Variants in GGA2 observed in about 807,000 individuals in gnomAD.
GGA2 encodes the protein golgi associated, gamma adaptin ear containing, ARF binding protein 2.
Under a neutral mutation model 79.5 loss-of-function variants are expected in GGA2, and 48 were observed. That is an observed-to-expected ratio of 0.60 (90% CI 0.48 to 0.77). The LOEUF (loss-of-function observed/expected upper bound fraction) is 0.77. Ranked by LOEUF, GGA2 falls within the 30% of genes least tolerant of loss-of-function variation. The probability of loss-of-function intolerance (pLI) is 0.00; values close to 1 mark genes in which losing one functional copy is unlikely to be tolerated. For missense variants in GGA2, 770 were observed against 774.0 expected (o/e 0.99, Z 0.06); for synonymous variants, 317 against 302.0 (o/e 1.05, Z -0.51).
chr16:23,495,858 G>C (rs2142135210), intron 1 of GGA2, 80 bp from the exon 2 acceptor site: 2 of 845,992 alleles, frequency 2.4e-6, no homozygotes, highest in East Asian at 5.1e-5. Flanking sequence ...GTGGCCAAGA[G>C]CTGTCTTATC....
chr16:23,501,676 T>C (rs944698799), intron 1 of GGA2: 18 of 176,308 alleles, frequency 1.0e-4, no homozygotes, highest in African/African-American at 3.6e-4. Flanking sequence ...AAGAGAGAAA[T>C]TAACATTATA....
chr16:23,510,327 A>G lies in GGA2; in HGVS notation c.85T>C (p.Trp29Arg), dbSNP rs776177345. The G allele has an allele frequency of 7.0e-7, 1 of 1,436,510 alleles. No homozygotes were observed. The highest frequency in any genetic ancestry group is 1.4e-5 in the South Asian group (1 of 73,626). The allele number at this position is 1,436,510 out of a possible 1,614,324, so 89.0% of individuals were successfully genotyped here. ...PPGPAASLELWLNKATDPSMS... is the reference protein window; with the variant it reads ...PPGPAASLELRLNKATDPSMS... ...GGCCTGCCAGGCTACTCACTGAGCC[A>G]CAGCTCCAGCGACGCTGCCGGGCCC... Residue 29 changes from tryptophan to arginine, a missense_variant, in exon 1 of 17, where the codon TGG becomes CGG. By Grantham distance (101) the Trp-to-Arg change is moderately radical. Transcript: ENST00000309859.
At chr16:23,473,799 A>T (rs763458932) in intron 14 of GGA2, among the ~76,000 whole-genome samples, 33 of 152,240 alleles carry the variant, frequency 2.2e-4, no homozygotes, top group Non-Finnish European at 1.6e-4. Context: ...CATCGTAACT[A>T]CAATACAGTT....
chr16:23,472,575 G>T (rs1964524880), intron 14 of GGA2, among the ~76,000 whole-genome samples: 2 of 151,700 alleles, frequency 1.3e-5, no homozygotes, highest in Non-Finnish European at 2.9e-5. Context: ...GGACATAGTG[G>T]CGCATGCCTG....
intron 13 of GGA2, among the ~76,000 whole-genome samples, chr16:23,476,811 G>A (rs1964581483): frequency 6.6e-6 from 1 of 152,160 alleles, no homozygotes; most frequent in Admixed American, 6.6e-5. Context: ...ATGGTTATTA[G>A]AAGGGAAAAC....
At chr16:23,500,394 G>A (rs894953844) in intron 1 of GGA2, among the ~76,000 whole-genome samples, 48 of 152,362 alleles carry the variant, frequency 3.2e-4, no homozygotes, top group African/African-American at 1.1e-3. Context: ...GTCGGCCCAG[G>A]GGGGTCTGCG....
chr16:23,471,302 T>C (rs1596975117), intron 14 of GGA2, among the ~76,000 whole-genome samples: 1 of 152,152 alleles, frequency 6.6e-6, no homozygotes, highest in East Asian at 1.9e-4. Flanking sequence ...ATAAGTTTAA[T>C]AACATTCCAA....
chr16:23,493,809 G>T, intron 3 of GGA2: 1 of 308,330 alleles, frequency 3.2e-6, no homozygotes, highest in Non-Finnish European at 6.2e-6. Flanking sequence ...CCCAAGACCA[G>T]CCGGATGTCA....
intron 6 of GGA2, 125 bp downstream of exon 6, chr16:23,488,481 G>A: frequency 1.4e-6 from 1 of 714,728 alleles, no homozygotes; most frequent in African/African-American, 1.8e-5. Flanking sequence ...ACTCCTAAGG[G>A]CCTGTCTGGA....
intron 1 of GGA2, among the ~76,000 whole-genome samples, chr16:23,500,374 C>A (rs1384338531): frequency 6.6e-6 from 1 of 152,214 alleles, no homozygotes; most frequent in South Asian, 2.1e-4. Context: ...CAATGCCAGC[C>A]CCAGGTAGGG....
In GGA2 at chr16:23,497,980, T is replaced by A. The variant is rs540215336; in HGVS notation, c.92-2202A>T. On this transcript the variant is annotated intron_variant, in intron 1 of 16. Transcript: ENST00000309859. ...GAGACCCAATCTCCACAGAAATTTT[T>A]AAAAAAAATTAGTCAGAAGGCTGGG... is the stretch of plus-strand genomic sequence containing the variant. 5.4e-4 allele frequency among the ~76,000 whole-genome samples: 82 copies of A among 152,040 alleles called. 2 individuals carry two copies. Among genetic ancestry groups the A allele is most frequent in the African/African-American group, 1.1e-3 (47 of 41,468 alleles).
chr16:23,485,844 G>C (rs1964704575), intron 8 of GGA2, among the ~76,000 whole-genome samples, 171 bp downstream of exon 8: 1 of 152,200 alleles, frequency 6.6e-6, no homozygotes, highest in African/African-American at 2.4e-5. Context: ...CTGGGGACTG[G>C]GGAGCAAGGG....
chr16:23,480,844 T>C, intron 9 of GGA2, 74 bp from the exon 10 acceptor site: 1 of 1,429,038 alleles, frequency 7.0e-7, no homozygotes. Context: ...AGCTTTTCCA[T>C]AAAACAGCCT....
chr16:23,504,652 T>C (rs2142142640), intron 1 of GGA2, among the ~76,000 whole-genome samples: 1 of 152,278 alleles, frequency 6.6e-6, no homozygotes, highest in Admixed American at 6.5e-5. Flanking sequence ...CCGCCGTAGG[T>C]CTGTTTGACA....
chr16:23,471,415 G>A (rs963150435), intron 14 of GGA2, among the ~76,000 whole-genome samples: 11 of 151,750 alleles, frequency 7.2e-5, no homozygotes, highest in African/African-American at 2.4e-4. Flanking sequence ...AAAAAGGGGG[G>A]CAGGGCTATA....
chr16:23,481,078 C>A (rs1344827855), intron 9 of GGA2, among the ~76,000 whole-genome samples: 1 of 152,220 alleles, frequency 6.6e-6, no homozygotes, highest in Non-Finnish European at 1.5e-5. Flanking sequence ...TTAACTTTAA[C>A]TCAGAATCTG....
In GGA2 at chr16:23,497,937, C is replaced by T. The variant is rs560613038; in HGVS notation, c.92-2159G>A. ...CCGCTTGAGCCTAGGAGGTTGAGAC[C>T]AGCCTGAGCAACATAACGAGACCCA... On this transcript the variant is annotated intron_variant, in intron 1 of 16. Coordinates refer to ENST00000309859, the MANE Select transcript of GGA2 (RefSeq NM_015044.4). Among the ~76,000 whole-genome samples the T allele has an allele frequency of 4.5e-4, 69 of 152,192 alleles. 1 individual carries two copies. Among genetic ancestry groups the T allele is most frequent in the African/African-American group, 1.5e-3 (64 of 41,522 alleles).
chr16:23,464,108 T>G lies in GGA2; in HGVS notation c.*3482A>C, dbSNP rs1374808567. 6.6e-6 allele frequency: 1 copy of G among 152,202 alleles called. No individual in the cohort carries two copies. The highest frequency in any genetic ancestry group is 1.9e-4 in the East Asian group (1 of 5,202). The allele number at this position is 152,202 out of a possible 1,614,324, so 9.4% of individuals were successfully genotyped here. ...AGAATATTGCCCTTGCTTTCTAGCT[T>G]TAACATTTTCTGTCTCAATTTACAC... is the stretch of plus-strand genomic sequence containing the variant. On this transcript the variant is annotated 3_prime_UTR_variant, in exon 17 of 17. Coordinates refer to ENST00000309859, the MANE Select transcript of GGA2 (RefSeq NM_015044.4).
intron 1 of GGA2, among the ~76,000 whole-genome samples, chr16:23,497,975 A>T (rs1315419768): frequency 3.3e-5 from 5 of 152,144 alleles, no homozygotes; most frequent in Admixed American, 6.5e-5. Flanking sequence ...CTCCACAGAA[A>T]TTTTTAAAAA....
Sources: gnomAD v4.1 joint callset for allele counts (sites outside exome capture counted in the v4.1 genomes callset) on GRCh38, gnomAD v4.1.1 for gene constraint, MANE v1.5 for transcripts, NCBI Gene and HGNC (gene_info 2026-07-23, HGNC 2026-07-21) for gene names.